PTPN21: variants seen among roughly 807,000 people sequenced by gnomAD.
The protein encoded by PTPN21 is protein tyrosine phosphatase non-receptor type 21, also known as tyrosine-protein phosphatase non-receptor type 21.
PTPN21 carries 77 observed loss-of-function variants against 131.8 expected under a neutral mutation model. The ratio of observed to expected loss-of-function variants is 0.58; its 90% CI spans 0.49 to 0.71. The LOEUF is 0.71. Among genes scored for constraint, PTPN21 ranks in the 30% least tolerant of loss-of-function variants. The pLI is 0.00. For missense variants in PTPN21, 1,552 were observed against 1,527.1 expected, an observed-to-expected ratio of 1.02 and a Z score of -0.27; for synonymous variants, 715 against 621.3, an observed-to-expected ratio of 1.15 and a Z score of -2.24.
At chr14:88,502,747 G>C (rs1278036153) in intron 6 of PTPN21, among the ~76,000 whole-genome samples, 2 of 152,288 alleles carry the variant, frequency 1.3e-5, no homozygotes, top group East Asian at 3.9e-4. Context: ...CTGTCCAGCA[G>C]AAGGTAAAGC....
chr14:88,549,469 A>G (rs182611712), intron 2 of PTPN21, among the ~76,000 whole-genome samples: 27 of 152,192 alleles, frequency 1.8e-4, no homozygotes, highest in Non-Finnish European at 3.7e-4. Flanking sequence ...TTCTTAATCT[A>G]ATCTATTCCT....
chr14:88,470,061 A>C lies in PTPN21; in HGVS notation c.2872-11T>G. On this transcript the variant is annotated splice_polypyrimidine_tract_variant and intron_variant, in intron 15 of 18. Transcript: ENST00000556564. Reference sequence around the variant, plus strand: ...TCCACTGACAGAGACCTGGGATTAGAAAAGGTTAAAAAAATTGATGTGTGG... The same window carrying C: ...TCCACTGACAGAGACCTGGGATTAGCAAAGGTTAAAAAAATTGATGTGTGG... The C allele has an allele frequency of 6.2e-7, 1 of 1,609,812 alleles. No individual in the cohort carries two copies. Among genetic ancestry groups the C allele is most frequent in the African/African-American group, 1.3e-5 (1 of 74,972 alleles).
intron 2 of PTPN21, among the ~76,000 whole-genome samples, chr14:88,531,063 A>T (rs986640666): frequency 7.9e-5 from 12 of 152,350 alleles, no homozygotes; most frequent in East Asian, 7.7e-4. Flanking sequence ...AACAAATTTT[A>T]AAAAAATCAA....
chr14:88,468,899 A>T lies in PTPN21; in HGVS notation c.3396+17T>A. ...CATTTCCACCCAAAAAGGCCAGGTGATCATAAGCGCCATCACCTCATTGTG... is the reference window on the plus strand; with the variant it reads ...CATTTCCACCCAAAAAGGCCAGGTGTTCATAAGCGCCATCACCTCATTGTG... On this transcript the variant is annotated intron_variant, in intron 18 of 18. Transcript: ENST00000556564. 1 of 1,613,856 alleles carries T rather than the reference A, an allele frequency of 6.2e-7. No individual in the cohort carries two copies. The highest frequency in any genetic ancestry group is 8.5e-7 in the Non-Finnish European group (1 of 1,179,914).
rs118049136 is a variant in PTPN21, at chr14:88,474,609, C to T, written c.2512-807G>A. Among the ~76,000 whole-genome samples, 46 of 152,192 alleles carry T rather than the reference C, an allele frequency of 3.0e-4. No homozygotes were observed. The East Asian group carries it at 7.9e-3, about 26-fold the overall frequency. Reference sequence around the variant, plus strand: ...ATGCTACTCTGCATTCTAGTGCAGACTTAGATGACCCGGGTTAGATCACGC... The same window carrying T: ...ATGCTACTCTGCATTCTAGTGCAGATTTAGATGACCCGGGTTAGATCACGC... On this transcript the variant is annotated intron_variant, in intron 13 of 18. Transcript: ENST00000556564.
Position 88,469,391 on chromosome 14 carries a change from A to T in PTPN21, c.3235+108T>A. The T allele has an allele frequency of 9.9e-7, 1 of 1,011,914 alleles. No individual in the cohort carries two copies. The highest frequency in any genetic ancestry group is 1.5e-6 in the Non-Finnish European group (1 of 686,012). The allele number at this position is 1,011,914 out of a possible 1,614,324, so 62.7% of individuals were successfully genotyped here. A position where few individuals can be genotyped will look rare whatever the true frequency, so the allele number is the denominator to read the frequency against. ...TATTCTTTATGTTAAAACAAGTCCG[A>T]AGCTTATATGAGATAACATAAAGGA... On this transcript the variant is annotated intron_variant, in intron 17 of 18. Coordinates refer to ENST00000556564, the MANE Select transcript of PTPN21 (RefSeq NM_007039.4). This position sits in a 1 kb window ranked among gnomAD's most constrained non-coding sequence, Gnocchi z 4.3.
intron 12 of PTPN21, among the ~76,000 whole-genome samples, chr14:88,483,076 G>T (rs2140104234): frequency 6.6e-6 from 1 of 152,026 alleles, no homozygotes; most frequent in Admixed American, 6.5e-5. Flanking sequence ...GCCGGGCGTG[G>T]TGGCGGGTGC....
chr14:88,539,197 C>T (rs558108698), intron 2 of PTPN21, among the ~76,000 whole-genome samples: 1 of 151,944 alleles, frequency 6.6e-6, no homozygotes, highest in South Asian at 2.1e-4. Context: ...AATTCTCCTG[C>T]CTCAGCTTCC....
intron 2 of PTPN21, among the ~76,000 whole-genome samples, chr14:88,539,540 G>A (rs764394660): frequency 2.0e-5 from 3 of 152,082 alleles, no homozygotes; most frequent in South Asian, 2.1e-4. Context: ...GAGCCACCAC[G>A]CCTGGCCTTC....
Position 88,469,130 on chromosome 14 carries a change from T to C in PTPN21, c.3236-54A>G. 6.5e-7 allele frequency: 1 copy of C among 1,541,460 alleles called. No individual in the cohort carries two copies. Among genetic ancestry groups the C allele is most frequent in the Non-Finnish European group, 8.8e-7 (1 of 1,131,720 alleles). ...ACTCAAGGATCAAGGCGTATCACAT[T>C]GTTGACTCAATCTTCATATTCTCTC... On this transcript the variant is annotated intron_variant, in intron 17 of 18. Transcript: ENST00000556564. This position sits in a 1 kb window ranked among gnomAD's most constrained non-coding sequence, Gnocchi z 4.3.
intron 15 of PTPN21, 79 bp downstream of exon 15, chr14:88,472,165 A>G: frequency 1.2e-6 from 1 of 807,846 alleles, no homozygotes; most frequent in Non-Finnish European, 2.1e-6. Context: ...TTCTAAACAG[A>G]CATGAATACA....
chr14:88,537,739 G>A (rs192173448), intron 2 of PTPN21, among the ~76,000 whole-genome samples: 16 of 152,296 alleles, frequency 1.1e-4, no homozygotes, highest in African/African-American at 3.6e-4. Flanking sequence ...CCTTAACGAT[G>A]TGGGAATGCA....
intron 10 of PTPN21, among the ~76,000 whole-genome samples, chr14:88,495,615 GC>G (rs748735063): frequency 5.3e-4 from 81 of 152,284 alleles, no homozygotes; most frequent in Non-Finnish European, 1.0e-3. Flanking sequence ...GTCAGGAGAA[GC>G]CCCCTAGACG....
intron 2 of PTPN21, among the ~76,000 whole-genome samples, chr14:88,524,500 T>C (rs2078445795): frequency 6.6e-6 from 1 of 152,110 alleles, no homozygotes; most frequent in Non-Finnish European, 1.5e-5. Context: ...CGTAAAATAG[T>C]TTAGAAGAAA....
chr14:88,511,813 TTAAA>T (rs1275042548), intron 3 of PTPN21, among the ~76,000 whole-genome samples: 6 of 152,242 alleles, frequency 3.9e-5, no homozygotes, highest in Non-Finnish European at 7.3e-5. Context: ...AATATGCTGA[TTAAA>T]TATTTTATCT....
chr14:88,469,975 G>C lies in PTPN21; in HGVS notation c.2947C>G (p.Gln983Glu), dbSNP rs781261273. 6.2e-6 allele frequency: 10 copies of C among 1,613,798 alleles called. No homozygotes were observed. The East Asian group carries it at 2.0e-4, about 32-fold the overall frequency. The stretch of plus-strand genomic sequence containing the variant: ...GCAATTCCCTGTTCCCATACCATCT[G>C]CCAAAAATCTTGACAGGTATTCTGT... ...PLQNTCQDFW[Q>E]MVWEQGIAII... Residue 983 changes from glutamine to glutamate, a missense_variant, in exon 16 of 19, where the codon CAG becomes GAG. This residue lies in a region of PTPN21 where 316 missense variants were observed against 378.5 expected (regional missense o/e 0.83). Transcript: ENST00000556564. This position sits in a 1 kb window ranked among gnomAD's most constrained non-coding sequence, Gnocchi z 4.3.
In PTPN21 at chr14:88,479,970, C is replaced by G. The variant is rs1471806064; in HGVS notation, c.1461G>C (p.Ala487=). Residue 487 remains alanine (A), a synonymous_variant, in exon 13 of 19, where the codon GCG becomes GCC. Coordinates refer to ENST00000556564, the MANE Select transcript of PTPN21 (RefSeq NM_007039.4). ...IGSSYAYSRP[A]ALVYSQPEIR... is the part of the protein sequence containing the mutation. ...TCTCGGGCTGGCTGTAGACCAGCGC[C>G]GCGGGCCTGCTGTAGGCGTACGAGC... 1 of 1,609,378 alleles carries G rather than the reference C, an allele frequency of 6.2e-7. No individual in the cohort carries two copies. Among genetic ancestry groups the G allele is most frequent in the African/African-American group, 1.3e-5 (1 of 74,886 alleles).
In PTPN21 at chr14:88,550,411, G is replaced by A. The variant is rs2078848012; in HGVS notation, c.7C>T (p.Leu3=). The part of the protein sequence containing the change: MP[L]PFGLKLKRTR... Reference sequence around the variant, plus strand: ...CGTTTCAGTTTCAACCCAAATGGCAGTGGCATCTTCTTCTTTCTTCAAGAA... The same window carrying A: ...CGTTTCAGTTTCAACCCAAATGGCAATGGCATCTTCTTCTTTCTTCAAGAA... Residue 3 remains leucine, a synonymous_variant, in exon 2 of 19, where the codon CTG becomes TTG. Coordinates refer to ENST00000556564, the MANE Select transcript of PTPN21 (RefSeq NM_007039.4). The A allele has an allele frequency of 6.2e-7, 1 of 1,613,674 alleles. No individual in the cohort carries two copies. Among genetic ancestry groups the A allele is most frequent in the East Asian group, 2.2e-5 (1 of 44,878 alleles).
chr14:88,472,734 G>T (rs1298367320), intron 14 of PTPN21, among the ~76,000 whole-genome samples: 2 of 152,104 alleles, frequency 1.3e-5, no homozygotes, highest in Non-Finnish European at 2.9e-5. Context: ...GCCAGGTGTG[G>T]TGGTGCATGC....
Sources: gnomAD v4.1 joint callset for allele counts (sites outside exome capture counted in the v4.1 genomes callset) on GRCh38, gnomAD v4.1.1 for gene constraint, gnomAD v4.1.1 regional missense constraint, Gnocchi (gnomAD v3.1) non-coding constraint, MANE v1.5 for transcripts, NCBI Gene and HGNC (gene_info 2026-07-23, HGNC 2026-07-21) for gene names.